The following SLC16A12 variants were observed in gnomAD, a reference collection of about 807,000 sequenced individuals.
The protein encoded by SLC16A12 is solute carrier family 16 member 12, also known as monocarboxylate transporter 12.
Under a neutral mutation model 42.4 loss-of-function variants are expected in SLC16A12, and 17 were observed. The observed-to-expected ratio is 0.40, with a 90% CI of 0.27 to 0.60. SLC16A12 has a LOEUF of 0.60. SLC16A12 is among the 20% of genes least tolerant of loss of function. SLC16A12 has a pLI of 0.42. For missense variants in SLC16A12, 544 were observed against 623.0 expected (o/e 0.87, Z 1.35); for synonymous variants, 224 against 229.4 (o/e 0.98, Z 0.21).
chr10:89,500,885 C>T (rs576182465), intron 2 of SLC16A12, among the ~76,000 whole-genome samples: 24 of 152,062 alleles, frequency 1.6e-4, no homozygotes, highest in Non-Finnish European at 3.2e-4. Context: ...TTGTTTACCT[C>T]GAAAACCCTA....
At chr10:89,448,227 G>A (rs964832609) in intron 3 of SLC16A12, among the ~76,000 whole-genome samples, 1 of 152,148 alleles carries the variant, frequency 6.6e-6, no homozygotes, top group Admixed American at 6.5e-5. Flanking sequence ...CCAATCAGGA[G>A]AATAACAGGG....
At chr10:89,511,289 A>C (rs1487397470) in intron 2 of SLC16A12, among the ~76,000 whole-genome samples, 1 of 152,244 alleles carries the variant, frequency 6.6e-6, no homozygotes. Context: ...ACGTATGTGT[A>C]TTGCAGCACT....
At chr10:89,519,416 T>C (rs772766873) in intron 2 of SLC16A12, among the ~76,000 whole-genome samples, 15 of 152,124 alleles carry the variant, frequency 9.9e-5, no homozygotes, top group Non-Finnish European at 1.6e-4. Flanking sequence ...AAAACTGGTA[T>C]CTCCCACTTC....
chr10:89,508,961 G>A (rs191442399), intron 2 of SLC16A12, among the ~76,000 whole-genome samples: 105 of 152,046 alleles, frequency 6.9e-4, no homozygotes, highest in African/African-American at 2.5e-3. Flanking sequence ...AGAATACTAT[G>A]AACACCTCTA....
At chr10:89,508,893 G>T (rs2133834682) in intron 2 of SLC16A12, among the ~76,000 whole-genome samples, 1 of 151,976 alleles carries the variant, frequency 6.6e-6, no homozygotes, top group East Asian at 1.9e-4. Flanking sequence ...ATGATAAAGG[G>T]GATGTCACCA....
intron 2 of SLC16A12, among the ~76,000 whole-genome samples, chr10:89,487,682 C>T (rs928829393): frequency 4.0e-5 from 6 of 149,910 alleles, no homozygotes; most frequent in African/African-American, 7.4e-5. Flanking sequence ...CGTGGTGGTG[C>T]GCGCCTGTAG....
intron 3 of SLC16A12, among the ~76,000 whole-genome samples, chr10:89,462,095 A>G (rs1200314840): frequency 6.6e-6 from 1 of 152,238 alleles, no homozygotes; most frequent in Non-Finnish European, 1.5e-5. Context: ...TCTGGGACTC[A>G]TAAGTGTCAG....
intron 2 of SLC16A12, among the ~76,000 whole-genome samples, chr10:89,552,818 C>A (rs1233707113): frequency 6.6e-6 from 1 of 152,162 alleles, no homozygotes; most frequent in Admixed American, 6.5e-5. Flanking sequence ...GCTTTCCTCT[C>A]GGAGTGTCAG....
At chr10:89,443,559 C>A (rs1841950816) in intron 4 of SLC16A12, among the ~76,000 whole-genome samples, 197 bp downstream of exon 4, 1 of 152,160 alleles carries the variant, frequency 6.6e-6, no homozygotes, top group Admixed American at 6.5e-5. Context: ...TCAGCCAAGA[C>A]CATTAATTAC....
At chr10:89,492,621 G>A (rs1051297767) in intron 2 of SLC16A12, among the ~76,000 whole-genome samples, 15 of 152,080 alleles carry the variant, frequency 9.9e-5, no homozygotes, top group African/African-American at 3.6e-4. Flanking sequence ...ACACAAGAGT[G>A]CGATGGTGCC....
At chr10:89,446,099 G>T (rs1841995992) in intron 3 of SLC16A12, among the ~76,000 whole-genome samples, 1 of 152,096 alleles carries the variant, frequency 6.6e-6, no homozygotes, top group Non-Finnish European at 1.5e-5. Flanking sequence ...AAGAAATATG[G>T]GACTATGTGA....
In SLC16A12 at chr10:89,436,187, A is replaced by G; in HGVS notation, c.1161T>C (p.Asp387=). ...VPFSCTFGYF[D]GAYVTLIPVV... ...CTGGGATCAAAGTCACATAGGCACC[A>G]TCAAAGTAGCCAAAGGTACAAGAGA... Residue 387 remains aspartate, a synonymous_variant, in exon 7 of 8, where the codon GAT becomes GAC. Coordinates refer to ENST00000371790, the MANE Select transcript of SLC16A12 (RefSeq NM_213606.4). The G allele has an allele frequency of 6.2e-7, 1 of 1,614,158 alleles. No individual in the cohort carries two copies. Among genetic ancestry groups the G allele is most frequent in the African/African-American group, 1.3e-5 (1 of 75,048 alleles).
intron 3 of SLC16A12, among the ~76,000 whole-genome samples, chr10:89,446,934 C>CA (rs971869501): frequency 9.5e-5 from 14 of 147,872 alleles, no homozygotes; most frequent in South Asian, 6.4e-4. Context: ...AAATGGAAAG[C>CA]AAAAAAAAAG....
intron 2 of SLC16A12, among the ~76,000 whole-genome samples, chr10:89,544,042 G>A (rs1311735119): frequency 2.6e-5 from 4 of 152,156 alleles, no homozygotes; most frequent in Non-Finnish European, 4.4e-5. Flanking sequence ...AATGTTCACC[G>A]TATAACACCT....
At chr10:89,497,958 T>A (rs796848254) in intron 2 of SLC16A12, among the ~76,000 whole-genome samples, 6 of 152,270 alleles carry the variant, frequency 3.9e-5, no homozygotes, top group African/African-American at 1.4e-4. Context: ...TTTATCTACG[T>A]CTGTACTATT....
chr10:89,508,094 A>G (rs1304610894), intron 2 of SLC16A12, among the ~76,000 whole-genome samples: 5 of 152,218 alleles, frequency 3.3e-5, no homozygotes, highest in Non-Finnish European at 7.3e-5. Flanking sequence ...TTAGAGACCT[A>G]CAAAGAGACT....
At chr10:89,443,641 T>C (rs1841952152) in intron 4 of SLC16A12, 115 bp downstream of exon 4, 1 of 799,336 alleles carries the variant, frequency 1.3e-6, no homozygotes, top group Admixed American at 2.0e-5. Context: ...TCCTAGCCAG[T>C]TTTTAATGTA....
chr10:89,535,279 C>A (rs1843635245), intron 1 of SLC16A12, among the ~76,000 whole-genome samples, 163 bp downstream of exon 1: 1 of 152,186 alleles, frequency 6.6e-6, no homozygotes, highest in African/African-American at 2.4e-5. Flanking sequence ...TCCCTCCCAA[C>A]CCAAGCTGCG....
chr10:89,522,104 A>T (rs531811811), intron 2 of SLC16A12, among the ~76,000 whole-genome samples: 1 of 152,238 alleles, frequency 6.6e-6, no homozygotes, highest in East Asian at 1.9e-4. Context: ...GTCCCATAGC[A>T]TTCACCTCCA....
Sources: allele counts gnomAD v4.1 joint callset (sites outside exome capture counted in the v4.1 genomes callset), GRCh38; gene constraint gnomAD v4.1.1; transcripts MANE v1.5; gene names NCBI Gene and HGNC (gene_info 2026-07-23, HGNC 2026-07-21).